Variants in CEP126 observed in about 807,000 individuals in gnomAD.
The protein encoded by CEP126 is centrosomal protein 126, also known as centrosomal protein of 126 kDa.
A neutral mutation model predicts 107.8 loss-of-function variants in CEP126; 74 were observed. That is an observed-to-expected ratio of 0.69 (90% confidence interval 0.57 to 0.83). The LOEUF (loss-of-function observed/expected upper bound fraction) is 0.83. Among genes scored for constraint, CEP126 ranks in the 40% least tolerant of loss-of-function variants. The pLI is 0.00. For missense variants in CEP126, 1,237 were observed against 1,281.9 expected (o/e 0.96, Z 0.53); for synonymous variants, 449 against 446.0 (o/e 1.01, Z -0.08).
Position 101,962,011 on chromosome 11 carries a change from G to A in CEP126, c.976G>A (p.Ala326Thr). Residue 326 changes from alanine to threonine, a missense_variant, in exon 6 of 11, where the codon GCT (alanine) becomes ACT (threonine). This residue lies in a region of CEP126 where 1,134 missense variants were observed against 1,150.5 expected (regional missense o/e 0.99). Coordinates refer to ENST00000263468, the MANE Select transcript of CEP126 (RefSeq NM_020802.4). Reference protein sequence around the residue: ...LDASNTQNVTAFSDILSKSNV... With the variant: ...LDASNTQNVTTFSDILSKSNV... ...TGCTTCAAATACTCAGAATGTCACA[G>A]CTTTCTCAGATATTTTAAGTAAATC... 1 of 1,612,918 alleles carries A rather than the reference G, an allele frequency of 6.2e-7. No homozygotes were observed. The highest frequency in any genetic ancestry group is 8.5e-7 in the Non-Finnish European group (1 of 1,179,430).
At chr11:101,920,100 C>A (rs1940299981) in intron 1 of CEP126, among the ~76,000 whole-genome samples, 1 of 151,968 alleles carries the variant, frequency 6.6e-6, no homozygotes, top group African/African-American at 2.4e-5. Flanking sequence ...GGGTCTTTGT[C>A]TTGAAGTAGT....
intron 5 of CEP126, 91 bp downstream of exon 5, chr11:101,958,457 A>C: frequency 2.0e-6 from 2 of 978,998 alleles, no homozygotes; most frequent in Non-Finnish European, 3.1e-6. Context: ...GAAATATCTT[A>C]CTAGCTGAGA....
intron 6 of CEP126, among the ~76,000 whole-genome samples, chr11:101,972,561 G>C (rs1312540794): frequency 6.6e-6 from 1 of 151,810 alleles, no homozygotes; most frequent in East Asian, 2.0e-4. Context: ...CCAGCACTTT[G>C]GGAGGCTGAG....
chr11:101,957,805 G>C (rs1303672886), intron 4 of CEP126, among the ~76,000 whole-genome samples: 1 of 152,094 alleles, frequency 6.6e-6, no homozygotes, highest in Admixed American at 6.5e-5. Flanking sequence ...GGGTAATGCA[G>C]TATATTATTA....
At chr11:101,965,941 T>C (rs1179883758) in intron 6 of CEP126, among the ~76,000 whole-genome samples, 1 of 152,138 alleles carries the variant, frequency 6.6e-6, no homozygotes, top group Non-Finnish European at 1.5e-5. Flanking sequence ...ACTCTGCTAA[T>C]TAGGAAAAAT....
intron 2 of CEP126, among the ~76,000 whole-genome samples, chr11:101,940,985 G>C (rs866791623): frequency 1.3e-5 from 2 of 152,132 alleles, no homozygotes; most frequent in African/African-American, 4.8e-5. Flanking sequence ...GACTGACTAT[G>C]GCTACCATAG....
intron 6 of CEP126, among the ~76,000 whole-genome samples, chr11:101,977,786 T>A (rs1250582491): frequency 6.6e-6 from 1 of 152,226 alleles, no homozygotes; most frequent in South Asian, 2.1e-4. Context: ...TAAGATACTA[T>A]AAGATACGCA....
intron 2 of CEP126, among the ~76,000 whole-genome samples, chr11:101,929,623 C>T (rs1312790245): frequency 2.0e-5 from 3 of 152,126 alleles, no homozygotes; most frequent in East Asian, 1.9e-4. Flanking sequence ...CTATGGAGAG[C>T]GTAGGGCACT....
chr11:101,972,828 C>A (rs1941148864), intron 6 of CEP126, among the ~76,000 whole-genome samples: 1 of 152,032 alleles, frequency 6.6e-6, no homozygotes, highest in Admixed American at 6.6e-5. Context: ...GTTAATTATT[C>A]CATGATTTTC....
chr11:101,932,064 GGAA>G (rs1361106673), intron 2 of CEP126, among the ~76,000 whole-genome samples: 1 of 152,124 alleles, frequency 6.6e-6, no homozygotes, highest in Non-Finnish European at 1.5e-5. Context: ...AGGGTAAATA[GGAA>G]GCAAAAATGT....
intron 9 of CEP126, 34 bp from the exon 10 acceptor site, chr11:101,992,743 TA>T: frequency 1.8e-6 from 2 of 1,136,396 alleles, no homozygotes; most frequent in Non-Finnish European, 2.5e-6. Flanking sequence ...TATATGTAAC[TA>T]AATTATTTTG....
intron 8 of CEP126, 31 bp from the exon 9 acceptor site, chr11:101,986,801 T>A: frequency 6.4e-7 from 1 of 1,562,820 alleles, no homozygotes; most frequent in African/African-American, 1.4e-5. Flanking sequence ...ACAAAAGGGG[T>A]TCAAAGAATA....
chr11:101,951,521 A>G (rs1252133596), intron 4 of CEP126, among the ~76,000 whole-genome samples: 1 of 152,098 alleles, frequency 6.6e-6, no homozygotes, highest in Admixed American at 6.6e-5. Flanking sequence ...CAAAAGAAAA[A>G]GGAGAAGGAG....
Position 101,962,632 on chromosome 11 carries a change from T to G in CEP126, c.1597T>G (p.Ser533Ala). Residue 533 changes from serine (S) to alanine (A), a missense_variant, in exon 6 of 11, where the codon TCA (serine) becomes GCA (alanine). Around this residue, in one of 3 missense-constraint regions of CEP126, gnomAD observed 1,134 missense variants for 1,150.5 expected, o/e 0.99. Coordinates refer to ENST00000263468, the MANE Select transcript of CEP126 (RefSeq NM_020802.4). ...QDAYIPHNPD[S>A]KDEKQKLAET... ...TGCCTATATACCTCACAATCCTGAT[T>G]CAAAAGATGAAAAACAAAAATTAGC... 1 of 1,613,038 alleles carries G rather than the reference T, an allele frequency of 6.2e-7. No individual in the cohort carries two copies. Among genetic ancestry groups the G allele is most frequent in the Non-Finnish European group, 8.5e-7 (1 of 1,179,724 alleles).
chr11:101,996,864 C>T (rs1311395623), intron 10 of CEP126, among the ~76,000 whole-genome samples: 5 of 152,052 alleles, frequency 3.3e-5, no homozygotes, highest in Non-Finnish European at 5.9e-5. Context: ...TCATTAGTTC[C>T]GTCGGACATT....
intron 2 of CEP126, among the ~76,000 whole-genome samples, chr11:101,927,919 G>A (rs2137082936): frequency 6.6e-6 from 1 of 152,278 alleles, no homozygotes; most frequent in African/African-American, 2.4e-5. Flanking sequence ...AAGTGACCAT[G>A]AGTACTCTGG....
At chr11:101,987,096 T>A (rs1941325662) in intron 9 of CEP126, 55 bp downstream of exon 9, 1 of 1,221,872 alleles carries the variant, frequency 8.2e-7, no homozygotes. Context: ...CTTAGACAAT[T>A]TTAATTTAAA....
intron 10 of CEP126, among the ~76,000 whole-genome samples, chr11:101,993,534 G>A (rs929760189): frequency 3.3e-5 from 5 of 152,168 alleles, no homozygotes; most frequent in South Asian, 2.1e-4. Context: ...ATGTCTTTAT[G>A]ATAGAATGAT....
chr11:101,952,891 C>T (rs1028783708), intron 4 of CEP126, among the ~76,000 whole-genome samples: 8 of 152,186 alleles, frequency 5.3e-5, no homozygotes, highest in African/African-American at 1.9e-4. Context: ...CTGTACCAGG[C>T]TGTTTGGCTT....
Sources: gnomAD v4.1 joint callset for allele counts (sites outside exome capture counted in the v4.1 genomes callset) on GRCh38, gnomAD v4.1.1 for gene constraint, gnomAD v4.1.1 regional missense constraint, MANE v1.5 for transcripts, NCBI Gene and HGNC (gene_info 2026-07-23, HGNC 2026-07-21) for gene names.